CAPS2: variants seen among roughly 807,000 people sequenced by gnomAD.
CAPS2 encodes calcyphosin-2.
CAPS2 carries 98 observed loss-of-function variants against 86.5 expected under a neutral mutation model. The ratio of observed to expected loss-of-function variants is 1.13; its 90% confidence interval spans 0.96 to 1.34. The LOEUF is 1.34. Among genes scored for constraint, CAPS2 ranks in the 40% most tolerant of loss-of-function variants. CAPS2 has a pLI of 0.00. For missense variants in CAPS2, 729 were observed against 686.8 expected, an observed-to-expected ratio of 1.06 and a Z score of -0.69; for synonymous variants, 210 against 225.1, an observed-to-expected ratio of 0.93 and a Z score of 0.60.
chr12:75,318,160 T>C (rs969038651), intron 5 of CAPS2: 10 of 152,188 alleles, frequency 6.6e-5, no homozygotes, highest in African/African-American at 2.4e-4. Context: ...CGGTCTTCCC[T>C]TTCTCTCAAG....
At chr12:75,387,303 G>A (rs1466849741) in intron 1 of CAPS2, among the ~76,000 whole-genome samples, 1 of 152,150 alleles carries the variant, frequency 6.6e-6, no homozygotes, top group Non-Finnish European at 1.5e-5. Flanking sequence ...ATAAGCATAT[G>A]AAAAGGTGCA....
chr12:75,342,511 G>C (rs77185439), intron 1 of CAPS2, among the ~76,000 whole-genome samples: 1,634 of 152,250 alleles, frequency 0.011, 20 homozygotes, highest in African/African-American at 0.032. Context: ...TTGCTTTTGT[G>C]ATGAGTTGTT....
chr12:75,347,101 A>C (rs2042503812), intron 1 of CAPS2, among the ~76,000 whole-genome samples: 1 of 151,640 alleles, frequency 6.6e-6, no homozygotes, highest in Admixed American at 6.6e-5. Flanking sequence ...CACCATCCTT[A>C]CAGCAGGCAT....
rs1185408752 is a variant in CAPS2 at position 75,341,747 on chromosome 12, C to CTTTT, written c.-394-18529_-394-18526dup. 1.4e-3 allele frequency among the ~76,000 whole-genome samples: 117 copies of CTTTT among 83,400 alleles called. 3 individuals carry two copies. The highest frequency in any genetic ancestry group is 2.4e-3 in the African/African-American group (45 of 18,864). 54.7% of individuals were successfully genotyped at this position (83,400 alleles called of 152,430 possible). On this transcript the variant is annotated intron_variant, in intron 1 of 5. Coordinates refer to the CAPS2 transcript ENST00000551829. ...AGGCGTGAGCCACCGCGCCCGGCCT[C>CTTTT]TTTTTTTTTTTTTTTTTTTTTTTTG...
Position 75,363,774 on chromosome 12 carries a change from A to T in CAPS2, c.-395+27064T>A, listed in dbSNP as rs369492599. 3.9e-5 allele frequency among the ~76,000 whole-genome samples: 6 copies of T among 152,196 alleles called. No individual in the cohort carries two copies. The East Asian group carries it at 1.2e-3, about 29-fold the overall frequency. ...ATGAGTGACCAATGGCCTGTGAGAC[A>T]GCCCTCAGGAGACCCTGAGAACATG... On this transcript the variant is annotated intron_variant, in intron 1 of 5. Transcript: ENST00000551829.
chr12:75,308,629 G>A (rs181415762), intron 7 of CAPS2, among the ~76,000 whole-genome samples: 2 of 152,190 alleles, frequency 1.3e-5, no homozygotes, highest in Non-Finnish European at 1.5e-5. Context: ...GGGTAAGAAT[G>A]ACAGGTTATC....
chr12:75,317,103 C>A (rs565747709), intron 5 of CAPS2, among the ~76,000 whole-genome samples: 4 of 152,156 alleles, frequency 2.6e-5, no homozygotes, highest in African/African-American at 9.6e-5. Context: ...GTCTTTATGA[C>A]CTTTGATTGC....
chr12:75,323,146 T>C, intron 3 of CAPS2, 31 bp downstream of exon 4: 1 of 1,506,940 alleles, frequency 6.6e-7, no homozygotes, highest in Non-Finnish European at 9.0e-7. Context: ...TGTTTTAATG[T>C]TTATTATATT....
chr12:75,372,060 G>C (rs1021426328), intron 1 of CAPS2, among the ~76,000 whole-genome samples: 1 of 152,190 alleles, frequency 6.6e-6, no homozygotes, highest in Non-Finnish European at 1.5e-5. Context: ...TGTCGCCCAG[G>C]CTGGAGTGCA....
intron 1 of CAPS2, among the ~76,000 whole-genome samples, chr12:75,342,130 A>G (rs1188827166): frequency 1.3e-5 from 2 of 152,176 alleles, no homozygotes; most frequent in Admixed American, 1.3e-4. Context: ...TAGTGTGGGT[A>G]GTGAGTGGTT....
At chr12:75,341,607 C>G (rs1331076963) in intron 1 of CAPS2, among the ~76,000 whole-genome samples, 2 of 151,840 alleles carry the variant, frequency 1.3e-5, no homozygotes, top group African/African-American at 4.8e-5. Context: ...CCACCACGCC[C>G]GCAGAATTTT....
chr12:75,354,261 C>G (rs58862232), intron 1 of CAPS2, among the ~76,000 whole-genome samples: 5,824 of 151,968 alleles, frequency 0.038, 127 homozygotes, highest in East Asian at 0.052. Context: ...ACCCCATTAT[C>G]TCAACCCAAA....
intron 1 of CAPS2, chr12:75,369,760 G>A (rs192599847): frequency 1.0e-6 from 1 of 984,748 alleles, no homozygotes; most frequent in African/African-American, 1.7e-5. Context: ...AGAAATATTT[G>A]TTGACATAAC....
intron 7 of CAPS2, chr12:75,305,905 C>T (rs1332230048): frequency 7.9e-6 from 7 of 884,170 alleles, no homozygotes; most frequent in Non-Finnish European, 1.3e-5. Flanking sequence ...GCTGTCCAAC[C>T]TCCACACCAT....
At chr12:75,332,086 C>A (rs550298224), upstream of CAPS2, among the ~76,000 whole-genome samples, 1 of 152,134 alleles carries the variant, frequency 6.6e-6, no homozygotes, top group Non-Finnish European at 1.5e-5. Flanking sequence ...ACAATTCAGA[C>A]ATTTTATTAA....
At chr12:75,321,655 C>T (rs1399539342) in intron 4 of CAPS2, 79 bp from the exon 5 acceptor site, 7 of 979,356 alleles carry the variant, frequency 7.1e-6, no homozygotes, top group Middle Eastern at 3.0e-4. Flanking sequence ...AGGTTTACCT[C>T]TTACCTTAGC....
intron 8 of CAPS2, among the ~76,000 whole-genome samples, chr12:75,304,514 G>T (rs376161348): frequency 0.017 from 2,568 of 152,140 alleles, 67 homozygotes; most frequent in African/African-American, 0.052. Flanking sequence ...ATCTCCAAAG[G>T]TTGTGGCTTT....
chr12:75,343,098 A>G (rs2042226370), intron 1 of CAPS2, among the ~76,000 whole-genome samples: 1 of 151,908 alleles, frequency 6.6e-6, no homozygotes, highest in Non-Finnish European at 1.5e-5. Context: ...ATCCTTATAC[A>G]TTTTATATAT....
At chr12:75,379,839 T>C (rs1229385615) in intron 1 of CAPS2, among the ~76,000 whole-genome samples, 1 of 137,166 alleles carries the variant, frequency 7.3e-6, no homozygotes, top group Non-Finnish European at 1.5e-5. Flanking sequence ...ATTATTATGA[T>C]GCATCCCTAT....
Sources: allele counts gnomAD v4.1 joint callset (sites outside exome capture counted in the v4.1 genomes callset), GRCh38; gene constraint gnomAD v4.1.1; transcripts MANE v1.5; gene names NCBI Gene and HGNC (gene_info 2026-07-23, HGNC 2026-07-21).